Variants in DOCK4 observed in about 807,000 individuals in gnomAD.
DOCK4 encodes the protein dedicator of cytokinesis protein 4.
A neutral mutation model predicts 268.1 loss-of-function variants in DOCK4; 97 were observed. That is an observed-to-expected ratio of 0.36 (90% CI 0.31 to 0.43). The LOEUF is 0.43. DOCK4 is among the 20% of genes least tolerant of loss of function. The pLI is 1.00. For synonymous variants in DOCK4, 954 were observed against 887.2 expected, an observed-to-expected ratio of 1.08 and a Z score of -1.34; for missense variants, 2,145 against 2,455.7, an observed-to-expected ratio of 0.87 and a Z score of 2.67.
chr7:112,112,988 A>G lies in DOCK4; in HGVS notation c.37+93114T>C, dbSNP rs112547028. 5.4e-3 allele frequency among the ~76,000 whole-genome samples: 828 copies of G among 152,284 alleles called. 8 individuals are homozygous for G. Among genetic ancestry groups the G allele is most frequent in the African/African-American group, 0.018 (752 of 41,560 alleles). On this transcript the variant is annotated intron_variant, in intron 1 of 52. Transcript: ENST00000428084. ...TGACTGTGTACTCAGGAAACCACAG[A>G]TTTTTTCCCGACTAGGGTTTTTAGA...
rs149285429 is a variant in DOCK4 at position 112,007,775 on chromosome 7, G to A, written c.38-3644C>T. Among the ~76,000 whole-genome samples the A allele has an allele frequency of 9.6e-3, 1,461 of 152,190 alleles. 11 individuals carry two copies. Among genetic ancestry groups the A allele is most frequent in the African/African-American group, 0.033 (1,369 of 41,514 alleles). ...CATACACCACGTATGCATTAATGAA[G>A]CTTCAATATGCAATTCTGTCAAATG... On this transcript the variant is annotated intron_variant, in intron 1 of 52. Coordinates refer to ENST00000428084, the MANE Select transcript of DOCK4 (RefSeq NM_001363540.2).
chr7:111,758,273 A>G (rs1405796057), intron 41 of DOCK4, among the ~76,000 whole-genome samples: 1 of 152,184 alleles, frequency 6.6e-6, no homozygotes, highest in African/African-American at 2.4e-5. Flanking sequence ...GATTCCCACA[A>G]TTGGTTCAAC....
At chr7:111,807,404 A>G (rs1432231084) in intron 30 of DOCK4, 2 of 152,324 alleles carry the variant, frequency 1.3e-5, no homozygotes, top group East Asian at 3.9e-4. Flanking sequence ...TTGAGCTGCA[A>G]CTAAAGACAG....
Position 111,769,581 on chromosome 7 carries a change from T to C in DOCK4, c.3776A>G (p.Gln1259Arg), listed in dbSNP as rs758651552. The C allele has an allele frequency of 6.2e-7, 1 of 1,613,840 alleles. No homozygotes were observed. Among genetic ancestry groups the C allele is most frequent in the Non-Finnish European group, 8.5e-7 (1 of 1,179,812 alleles). Residue 1259 changes from glutamine (Q) to arginine (R), a missense_variant, in exon 37 of 53, where the codon CAG becomes CGG. Gln to Arg is a conservative substitution (Grantham distance 43). This residue lies in a region of DOCK4 where 1,598 missense variants were observed against 1,986.7 expected (regional missense o/e 0.80). Coordinates refer to ENST00000428084, the MANE Select transcript of DOCK4 (RefSeq NM_001363540.2). ...FLTYPMQTEWQRKEHLHLTII... is the reference protein window; with the variant it reads ...FLTYPMQTEWRRKEHLHLTII... The stretch of plus-strand genomic sequence containing the variant: ...GGTGAGGTGCAGGTGCTCTTTGCGC[T>C]GCCATTCTGTTTGCATGGGGTAGGT...
chr7:111,884,253 C>T (rs1326949083), intron 16 of DOCK4, among the ~76,000 whole-genome samples: 1 of 152,138 alleles, frequency 6.6e-6, no homozygotes, highest in Non-Finnish European at 1.5e-5. Context: ...TTTATGAGTG[C>T]TTACTGTGTG....
intron 1 of DOCK4, among the ~76,000 whole-genome samples, chr7:112,122,182 A>G (rs918928529): frequency 2.0e-5 from 3 of 152,090 alleles, no homozygotes; most frequent in Admixed American, 6.5e-5. Context: ...AATTGTGGTA[A>G]AAAACAAAAC....
chr7:112,183,523 T>C (rs1819233707), intron 1 of DOCK4, among the ~76,000 whole-genome samples: 2 of 152,222 alleles, frequency 1.3e-5, no homozygotes, highest in African/African-American at 4.8e-5. Context: ...GGATTATGTC[T>C]GCCAGGATTT....
chr7:111,809,259 T>C (rs771933041), intron 29 of DOCK4, 42 bp downstream of exon 29: 22 of 1,432,968 alleles, frequency 1.5e-5, no homozygotes, highest in Non-Finnish European at 1.9e-5. Flanking sequence ...AAATACTCTT[T>C]AAGAGGCAAC....
chr7:112,042,861 G>C (rs1021713673), intron 1 of DOCK4, among the ~76,000 whole-genome samples: 1 of 152,226 alleles, frequency 6.6e-6, no homozygotes, highest in Non-Finnish European at 1.5e-5. Flanking sequence ...TTTCTCATGA[G>C]AGTGTGTTAA....
At chr7:111,735,949 A>G (rs913047570) in intron 50 of DOCK4, among the ~76,000 whole-genome samples, 1 of 152,214 alleles carries the variant, frequency 6.6e-6, no homozygotes, top group Non-Finnish European at 1.5e-5. Context: ...CACTCTTAAA[A>G]TTCTTTTTCT....
Position 111,935,406 on chromosome 7 carries a change from A to T in DOCK4, c.1066+134T>A, listed in dbSNP as rs151325547. 1.4e-3 allele frequency: 1,051 copies of T among 757,528 alleles called. 24 individuals are homozygous for T. In the East Asian group the frequency reaches 0.025, roughly 18 times the overall value. The allele number at this position is 757,528 out of a possible 1,614,324, so 46.9% of individuals were successfully genotyped here. A position where few individuals can be genotyped will look rare whatever the true frequency, so the allele number is the denominator to read the frequency against. On this transcript the variant is annotated intron_variant, in intron 12 of 52. Coordinates refer to ENST00000428084, the MANE Select transcript of DOCK4 (RefSeq NM_001363540.2). Reference sequence around the variant, plus strand: ...CATAGGAAGACATACCAGAATGTTCATTGAGCATTTTTAAAGTTAGGGAGT... The same window carrying T: ...CATAGGAAGACATACCAGAATGTTCTTTGAGCATTTTTAAAGTTAGGGAGT...
chr7:111,986,802 T>A (rs968589185), intron 6 of DOCK4, among the ~76,000 whole-genome samples: 1 of 152,158 alleles, frequency 6.6e-6, no homozygotes, highest in African/African-American at 2.4e-5. Flanking sequence ...AGATTAATGA[T>A]CTCTTCTTCC....
intron 13 of DOCK4, among the ~76,000 whole-genome samples, chr7:111,911,503 T>C (rs1792097783): frequency 6.6e-6 from 1 of 152,202 alleles, no homozygotes; most frequent in South Asian, 2.1e-4. Context: ...AGGAAGTGCT[T>C]TTAAAAAAAC....
intron 1 of DOCK4, among the ~76,000 whole-genome samples, chr7:112,192,018 TAAAC>T (rs1819998574): frequency 6.7e-6 from 1 of 148,458 alleles, no homozygotes; most frequent in East Asian, 1.9e-4. Context: ...GTATATAACT[TAAAC>T]ATAGTATAAT....
rs1796343843 is a variant in DOCK4 at position 111,747,360 on chromosome 7, C to T, written c.4500G>A (p.Gln1500=). 6.2e-7 allele frequency: 1 copy of T among 1,613,524 alleles called. No homozygotes were observed. Among genetic ancestry groups the T allele is most frequent in the East Asian group, 2.2e-5 (1 of 44,870 alleles). ...GATTAATATTCTGCATCTGTCTTGT[C>T]TGACACTGACTAATCAGAGTCTTCA... ...QQLKTLISQC[Q]TRQMQNINPL... is the part of the protein sequence containing the mutation. Residue 1500 remains glutamine (Q), a synonymous_variant, in exon 43 of 53, where the codon CAG becomes CAA. Coordinates refer to ENST00000428084, the MANE Select transcript of DOCK4 (RefSeq NM_001363540.2).
At chr7:111,973,184 TATA>T (rs1470618509) in intron 8 of DOCK4, among the ~76,000 whole-genome samples, 1 of 144,662 alleles carries the variant, frequency 6.9e-6, no homozygotes, top group African/African-American at 2.6e-5. Flanking sequence ...TATATATATA[TATA>T]ATATTTTCTT....
At chr7:111,739,641 A>C (rs908235736) in intron 47 of DOCK4, 164 bp from the exon 48 acceptor site, 1 of 630,034 alleles carries the variant, frequency 1.6e-6, no homozygotes. Flanking sequence ...AGTCTGCATG[A>C]ATTAATGAAA....
chr7:111,793,232 C>T (rs1406179781), intron 30 of DOCK4, among the ~76,000 whole-genome samples: 1 of 152,140 alleles, frequency 6.6e-6, no homozygotes, highest in Non-Finnish European at 1.5e-5. Flanking sequence ...ATTTGAAGGG[C>T]CATGTTGCAA....
At chr7:111,821,473 T>G (rs562295061) in intron 27 of DOCK4, 1 of 152,230 alleles carries the variant, frequency 6.6e-6, no homozygotes, top group African/African-American at 2.4e-5. Flanking sequence ...CTTGAGACTA[T>G]GGAGACAGGA....
Sources: gnomAD v4.1 joint callset for allele counts (sites outside exome capture counted in the v4.1 genomes callset) on GRCh38, gnomAD v4.1.1 for gene constraint, gnomAD v4.1.1 regional missense constraint, MANE v1.5 for transcripts, NCBI Gene and HGNC (gene_info 2026-07-23, HGNC 2026-07-21) for gene names.